The following GBE1 variants were observed in gnomAD, a reference collection of about 807,000 sequenced individuals.
GBE1 encodes the protein 1,4-alpha-glucan-branching enzyme.
A neutral mutation model predicts 88.8 loss-of-function variants in GBE1; 70 were observed. The ratio of observed to expected loss-of-function variants is 0.79; its 90% confidence interval spans 0.65 to 0.96. The LOEUF (loss-of-function observed/expected upper bound fraction) is 0.96. Ranked by LOEUF, GBE1 falls within the 40% of genes least tolerant of loss-of-function variation. GBE1 has a pLI of 0.00. For synonymous variants in GBE1, 284 were observed against 300.1 expected, an observed-to-expected ratio of 0.95 and a Z score of 0.56; for missense variants, 872 against 871.0, an observed-to-expected ratio of 1.00 and a Z score of -0.01.
At position 81,632,864 on chromosome 3, in the gene GBE1, G is replaced by A. The variant is rs73853451; in HGVS notation, c.992+9917C>T. ...GCCCAGAGGGACAATTACACTGTGC[G>A]GAGCTGTTTGCTGCTGCACGTAAAT... On this transcript the variant is annotated intron_variant, in intron 7 of 15. Transcript: ENST00000429644. Among the ~76,000 whole-genome samples, 844 of 152,176 alleles carry A rather than the reference G, an allele frequency of 5.5e-3. 2 individuals carry two copies. The highest frequency in any genetic ancestry group is 0.019 in the African/African-American group (792 of 41,520).
intron 15 of GBE1, among the ~76,000 whole-genome samples, chr3:81,498,454 C>T (rs950721966): frequency 2.6e-5 from 4 of 152,070 alleles, no homozygotes; most frequent in African/African-American, 9.7e-5. Flanking sequence ...TAATGAATTC[C>T]TCTGAATCTA....
rs548500884 is a variant in GBE1, at chr3:81,642,622, A to G, written c.992+159T>C. ...GAAATATACCACAAATACATGTGCT[A>G]TACAAAACAAGGTAAAATCCCCTGT... On this transcript the variant is annotated intron_variant, in intron 7 of 15. Transcript: ENST00000429644. The G allele has an allele frequency of 8.4e-6, 5 of 595,014 alleles. No homozygotes were observed. In the East Asian group the frequency reaches 1.4e-4, roughly 17 times the overall value. 36.9% of individuals were successfully genotyped at this position (595,014 alleles called of 1,614,324 possible). A position where few individuals can be genotyped will look rare whatever the true frequency, so the allele number is the denominator to read the frequency against.
chr3:81,731,848 C>A (rs2107205051), intron 1 of GBE1, among the ~76,000 whole-genome samples: 1 of 152,260 alleles, frequency 6.6e-6, no homozygotes, highest in South Asian at 2.1e-4. Context: ...GCCAATTAAA[C>A]TTCTTTTATT....
At chr3:81,580,248 C>T (rs562050200) in intron 11 of GBE1, among the ~76,000 whole-genome samples, 5 of 151,880 alleles carry the variant, frequency 3.3e-5, no homozygotes, top group African/African-American at 1.2e-4. Flanking sequence ...CCTTTTTTCT[C>T]CATTTTAAAA....
At chr3:81,591,508 A>T (rs1245215674) in intron 8 of GBE1, among the ~76,000 whole-genome samples, 1 of 152,170 alleles carries the variant, frequency 6.6e-6, no homozygotes, top group Non-Finnish European at 1.5e-5. Flanking sequence ...CTGTCACATT[A>T]AGATGTTAAT....
At chr3:81,753,418 C>G (rs945593496) in intron 1 of GBE1, among the ~76,000 whole-genome samples, 4 of 152,128 alleles carry the variant, frequency 2.6e-5, no homozygotes, top group Admixed American at 2.0e-4. Flanking sequence ...TCCTTTAATA[C>G]CTATAAATGT....
At chr3:81,731,172 C>T (rs1706180042) in intron 1 of GBE1, among the ~76,000 whole-genome samples, 1 of 152,138 alleles carries the variant, frequency 6.6e-6, no homozygotes, top group South Asian at 2.1e-4. Context: ...GTATCACAGA[C>T]CTCTGGCCTG....
intron 10 of GBE1, 64 bp downstream of exon 10, chr3:81,586,028 A>C: frequency 1.1e-6 from 1 of 899,020 alleles, no homozygotes. Context: ...CTAAGAAATA[A>C]ATTAAAGATA....
At chr3:81,500,922 T>TG (rs1378598695) in intron 14 of GBE1, among the ~76,000 whole-genome samples, 1 of 152,156 alleles carries the variant, frequency 6.6e-6, no homozygotes, top group African/African-American at 2.4e-5. Flanking sequence ...TTTCCGTCCC[T>TG]GCGTTAATTC....
chr3:81,588,683 G>T (rs528754591), intron 9 of GBE1, among the ~76,000 whole-genome samples: 1 of 152,196 alleles, frequency 6.6e-6, no homozygotes, highest in African/African-American at 2.4e-5. Flanking sequence ...CATGCAATGA[G>T]ATGCCAGACC....
intron 9 of GBE1, among the ~76,000 whole-genome samples, chr3:81,587,420 T>A (rs916778008): frequency 1.7e-4 from 26 of 152,220 alleles, no homozygotes; most frequent in African/African-American, 6.0e-4. Context: ...CAAATGGCAT[T>A]CCCCATCTCT....
At chr3:81,648,140 C>T (rs556883714) in intron 5 of GBE1, among the ~76,000 whole-genome samples, 7 of 152,210 alleles carry the variant, frequency 4.6e-5, no homozygotes, top group Admixed American at 4.6e-4. Context: ...ACAAACCTTT[C>T]TTCTAGCCAA....
chr3:81,528,581 A>T (rs1192605519), intron 14 of GBE1, among the ~76,000 whole-genome samples: 1 of 151,954 alleles, frequency 6.6e-6, no homozygotes, highest in Non-Finnish European at 1.5e-5. Context: ...TGGGGTATTG[A>T]AGTCTCCAGC....
chr3:81,684,070 C>G (rs978134711), intron 2 of GBE1, among the ~76,000 whole-genome samples: 1 of 152,092 alleles, frequency 6.6e-6, no homozygotes, highest in African/African-American at 2.4e-5. Flanking sequence ...ACATCTAATT[C>G]GATTACCTCA....
intron 3 of GBE1, among the ~76,000 whole-genome samples, chr3:81,657,910 T>C (rs1196465610): frequency 6.6e-6 from 1 of 152,094 alleles, no homozygotes. Flanking sequence ...AGAGAGAGAT[T>C]AAATGATTAG....
At chr3:81,737,334 T>A (rs1462147234) in intron 1 of GBE1, among the ~76,000 whole-genome samples, 1 of 67,152 alleles carries the variant, frequency 1.5e-5, no homozygotes, top group African/African-American at 5.8e-5. Context: ...TATATATTTT[T>A]ATATATATTT....
chr3:81,507,302 C>T (rs550747365), intron 14 of GBE1, among the ~76,000 whole-genome samples: 6 of 152,044 alleles, frequency 3.9e-5, no homozygotes, highest in East Asian at 3.9e-4. Context: ...CAGTGGCTCA[C>T]GCCTGTAATT....
In GBE1 at chr3:81,723,256, G is replaced by GT. The variant is rs200055419; in HGVS notation, c.144-17644dup. Among the ~76,000 whole-genome samples the GT allele has an allele frequency of 4.9e-3, 596 of 121,970 alleles. 17 individuals are homozygous for GT. The highest frequency in any genetic ancestry group is 0.016 in the African/African-American group (528 of 32,748). 80.0% of individuals were successfully genotyped at this position (121,970 alleles called of 152,430 possible). A position where few individuals can be genotyped will look rare whatever the true frequency, so the allele number is the denominator to read the frequency against. On this transcript the variant is annotated intron_variant, in intron 1 of 15. Transcript: ENST00000429644. ...ATATCCTTGGTATTAAATAAAAGTT[G>GT]TTTTGTTTTTTTTTTTTTGTATTTT...
chr3:81,656,809 C>T (rs1474516074), intron 3 of GBE1, among the ~76,000 whole-genome samples: 1 of 152,068 alleles, frequency 6.6e-6, no homozygotes, highest in African/African-American at 2.4e-5. Flanking sequence ...GTAAAGCAAA[C>T]TCCTTCAAAA....
Sources: allele counts gnomAD v4.1 joint callset (sites outside exome capture counted in the v4.1 genomes callset), GRCh38; gene constraint gnomAD v4.1.1; transcripts MANE v1.5; gene names NCBI Gene and HGNC (gene_info 2026-07-23, HGNC 2026-07-21).